ZNF641: variants seen among roughly 807,000 people sequenced by gnomAD.
ZNF641 encodes zinc finger protein 641.
In ZNF641, 26 loss-of-function variants were observed where a neutral mutation model predicts 46.2. The ratio of observed to expected loss-of-function variants is 0.56; its 90% CI spans 0.41 to 0.78. The LOEUF (loss-of-function observed/expected upper bound fraction) is 0.78. Ranked by LOEUF, ZNF641 falls within the 30% of genes least tolerant of loss-of-function variation. ZNF641 has a pLI of 0.00. For missense variants in ZNF641, 469 were observed against 517.8 expected (o/e 0.91, Z 0.91); for synonymous variants, 163 against 187.9 (o/e 0.87, Z 1.09).
At chr12:48,345,552 T>G (rs1952846176) in intron 3 of ZNF641, 78 bp from the exon 4 acceptor site, 2 of 1,571,956 alleles carry the variant, frequency 1.3e-6, no homozygotes, top group Admixed American at 3.4e-5. Flanking sequence ...GCTAAGTTAG[T>G]AGAGGAGAGA....
Position 48,347,351 on chromosome 12 carries a change from GGAGA to G in ZNF641, c.185-12_185-9del. The G allele has an allele frequency of 6.2e-7, 1 of 1,601,568 alleles. No homozygotes were observed. The highest frequency in any genetic ancestry group is 8.5e-7 in the Non-Finnish European group (1 of 1,172,940). ...CCCAGGGAGCAGACTGAGCTGATAA[GGAGA>G]GAGAAGAAACATTAGAGAATAACGA... On this transcript the variant is annotated splice_polypyrimidine_tract_variant and intron_variant, in intron 2 of 5. Coordinates refer to ENST00000547026, the MANE Select transcript of ZNF641 (RefSeq NM_001172681.2).
intron 1 of ZNF641, 103 bp from the exon 2 acceptor site, chr12:48,348,218 T>A: frequency 9.0e-7 from 1 of 1,111,824 alleles, no homozygotes; most frequent in South Asian, 1.4e-5. Context: ...CAAAACTAGA[T>A]AGGAGGAGCT....
At position 48,349,968 on chromosome 12, in the gene ZNF641, G is replaced by C. The variant is rs1259859916; in HGVS notation, c.-26+818C>G. ...TCTTTGTGCAGAGCCCATTGGGCCAGCTGTAAGTTTTTCTATACCACTGAC... is the reference window on the plus strand; with the variant it reads ...TCTTTGTGCAGAGCCCATTGGGCCACCTGTAAGTTTTTCTATACCACTGAC... On this transcript the variant is annotated intron_variant, in intron 1 of 5. Transcript: ENST00000547026. 2.5e-6 allele frequency: 4 copies of C among 1,571,826 alleles called. No homozygotes were observed. The African/African-American group carries it at 5.4e-5, about 21-fold the overall frequency.
Position 48,337,698 on chromosome 12 carries a change from G to C in ZNF641, c.*5275C>G, listed in dbSNP as rs1952630284. The C allele has an allele frequency of 6.6e-6, 1 of 151,650 alleles. No individual in the cohort carries two copies. Among genetic ancestry groups the C allele is most frequent in the African/African-American group, 2.4e-5 (1 of 41,260 alleles). 9.4% of individuals were successfully genotyped at this position (151,650 alleles called of 1,614,324 possible). A position where few individuals can be genotyped will look rare whatever the true frequency, so the allele number is the denominator to read the frequency against. ...AAAAAAAAAAAATAGGCGTGGTGGTGGGCGCTTGTAGTCCCAGCTACTCGG... is the reference window on the plus strand; with the variant it reads ...AAAAAAAAAAAATAGGCGTGGTGGTCGGCGCTTGTAGTCCCAGCTACTCGG... On this transcript the variant is annotated 3_prime_UTR_variant, in exon 6 of 6. Transcript: ENST00000547026.
Position 48,342,734 on chromosome 12 carries a change from T to A in ZNF641, c.*239A>T. On this transcript the variant is annotated 3_prime_UTR_variant, in exon 6 of 6. Transcript: ENST00000547026. The stretch of plus-strand genomic sequence containing the variant: ...CCTCTTGAGAACAGCTCAGGCTGAA[T>A]ATCAGCCCATGTAGGATGCATTGCT... The A allele has an allele frequency of 3.9e-6, 5 of 1,289,804 alleles. No homozygotes were observed. The highest frequency in any genetic ancestry group is 5.0e-6 in the Non-Finnish European group (5 of 991,880). 79.9% of individuals were successfully genotyped at this position (1,289,804 alleles called of 1,614,324 possible).
intron 4 of ZNF641, 72 bp downstream of exon 4, chr12:48,345,273 A>C (rs1415350526): frequency 1.1e-5 from 18 of 1,567,200 alleles, no homozygotes; most frequent in Non-Finnish European, 1.4e-5. Context: ...GACACTATCC[A>C]ATAGCCCTGA....
rs1952761816 is a variant in ZNF641, at chr12:48,343,124, C to T, written c.1124G>A (p.Arg375Lys). Residue 375 changes from arginine (R) to lysine (K), a missense_variant, in exon 6 of 6, where the codon AGA becomes AAA. Physicochemically the swap from Arg to Lys is conservative, Grantham distance 26. Around this residue, in one of 3 missense-constraint regions of ZNF641, gnomAD observed 346 missense variants for 354.0 expected, o/e 0.98. Transcript: ENST00000547026. ...KSFGRRHHLV[R>K]HWLTHTGEKP... ...CTCCCCAGTGTGGGTCAGCCAGTGT[C>T]TCACAAGGTGGTGCCTTCGGCCAAA... is the stretch of plus-strand genomic sequence containing the variant. 5 of 1,614,138 alleles carry T rather than the reference C, an allele frequency of 3.1e-6. No individual in the cohort carries two copies. The highest frequency in any genetic ancestry group is 1.7e-5 in the Admixed American group (1 of 60,016).
chr12:48,350,980 G>C (rs988278293), upstream of ZNF641: 1 of 382,922 alleles, frequency 2.6e-6, no homozygotes, highest in African/African-American at 2.2e-5. Context: ...TGCGGCGGCG[G>C]AGGTGCGGGG....
At chr12:48,344,526 G>C (rs1464477841) in intron 5 of ZNF641, 73 bp downstream of exon 5, 1 of 981,046 alleles carries the variant, frequency 1.0e-6, no homozygotes, top group African/African-American at 1.6e-5. Flanking sequence ...GCAGAGGAGG[G>C]ATTAAACGAA....
chr12:48,347,404 G>A (rs1952907421), intron 2 of ZNF641, 61 bp from the exon 3 acceptor site: 10 of 1,435,410 alleles, frequency 7.0e-6, no homozygotes, highest in South Asian at 1.4e-5. Flanking sequence ...AATGGGGCCT[G>A]GGCCCCATTT....
At position 48,341,400 on chromosome 12, in the gene ZNF641, A is replaced by T; in HGVS notation, c.*1573T>A. ...ACACAATTATTGATAAAGAGAAACA[A>T]TGACCAACTCATTAGCTAACGATGC... On this transcript the variant is annotated 3_prime_UTR_variant, in exon 6 of 6. Transcript: ENST00000547026. 1.0e-6 allele frequency: 1 copy of T among 985,474 alleles called. No homozygotes were observed. Among genetic ancestry groups the T allele is most frequent in the African/African-American group, 1.7e-5 (1 of 57,368 alleles). 61.0% of individuals were successfully genotyped at this position (985,474 alleles called of 1,614,324 possible).
rs1952817322 is a variant in ZNF641 at position 48,344,717 on chromosome 12, T to C, written c.407-5A>G. 6.3e-7 allele frequency: 1 copy of C among 1,584,542 alleles called. No individual in the cohort carries two copies. Among genetic ancestry groups the C allele is most frequent in the Admixed American group, 1.8e-5 (1 of 57,000 alleles). ...CCAGTTTGGGAATTGGAAATCCTGC[T>C]CATGGGAAAGGAAAATAGAGCTGTC... On this transcript the variant is annotated splice_polypyrimidine_tract_variant and splice_region_variant and intron_variant, in intron 4 of 5. Coordinates refer to ENST00000547026, the MANE Select transcript of ZNF641 (RefSeq NM_001172681.2).
intron 1 of ZNF641, 77 bp downstream of exon 1, chr12:48,350,709 G>A: frequency 1.9e-6 from 1 of 538,468 alleles, no homozygotes; most frequent in Non-Finnish European, 2.4e-6. Context: ...ATGGGTGACC[G>A]AGCCCCCACC....
At chr12:48,344,919 AATGAAC>A in intron 4 of ZNF641, 1 of 541,516 alleles carries the variant, frequency 1.8e-6, no homozygotes, top group South Asian at 2.2e-5. Flanking sequence ...TCTCCTTCCC[AATGAAC>A]CTGTTTTCTT....
In ZNF641 at chr12:48,338,773, T is replaced by C. The variant is rs1952656027; in HGVS notation, c.*4200A>G. On this transcript the variant is annotated 3_prime_UTR_variant, in exon 6 of 6. Transcript: ENST00000547026. ...CTGATGTTCCTGCTGCCCTTGCCCA[T>C]AGGGTATGCCAAATCATGGTTAGAA... The C allele has an allele frequency of 1.3e-5, 2 of 152,184 alleles. No individual in the cohort carries two copies. Among genetic ancestry groups the C allele is most frequent in the Non-Finnish European group, 1.5e-5 (1 of 68,040 alleles). 9.4% of individuals were successfully genotyped at this position (152,184 alleles called of 1,614,324 possible).
intron 1 of ZNF641, 44 bp from the exon 2 acceptor site, chr12:48,348,159 G>A: frequency 1.3e-6 from 2 of 1,595,260 alleles, no homozygotes; most frequent in Non-Finnish European, 8.6e-7. Context: ...AATGGGAAAG[G>A]AGTGATATTT....
rs1304721864 is a variant in ZNF641 at position 48,340,191 on chromosome 12, C to G, written c.*2782G>C. Reference sequence around the variant, plus strand: ...TGGTGTTGGACCGAGGTAGAGAAGACAGTGGTACACCAGAAATAACCCAAA... The same window carrying G: ...TGGTGTTGGACCGAGGTAGAGAAGAGAGTGGTACACCAGAAATAACCCAAA... On this transcript the variant is annotated 3_prime_UTR_variant, in exon 6 of 6. Transcript: ENST00000547026. 16 of 985,274 alleles carry G rather than the reference C, an allele frequency of 1.6e-5. No individual in the cohort carries two copies. Among genetic ancestry groups the G allele is most frequent in the Non-Finnish European group, 1.8e-5 (15 of 829,930 alleles). The allele number at this position is 985,274 out of a possible 1,614,324, so 61.0% of individuals were successfully genotyped here. A position where few individuals can be genotyped will look rare whatever the true frequency, so the allele number is the denominator to read the frequency against.
rs918679366 is a variant in ZNF641, at chr12:48,350,869, A to C, written c.-109T>G. Reference sequence around the variant, plus strand: ...CCTCCGCCCTCCGCTTGCGTCTGGGAGCCGGCGGCCGGCGGAGCCAGCGAC... The same window carrying C: ...CCTCCGCCCTCCGCTTGCGTCTGGGCGCCGGCGGCCGGCGGAGCCAGCGAC... On this transcript the variant is annotated 5_prime_UTR_variant, in exon 1 of 6. Coordinates refer to ENST00000547026, the MANE Select transcript of ZNF641 (RefSeq NM_001172681.2). The C allele has an allele frequency of 1.0e-5, 10 of 984,798 alleles. No homozygotes were observed. In the African/African-American group the frequency reaches 1.6e-4, roughly 16 times the overall value. 61.0% of individuals were successfully genotyped at this position (984,798 alleles called of 1,614,324 possible).
downstream of ZNF641, among the ~76,000 whole-genome samples, chr12:48,336,849 C>T (rs1952610112): frequency 6.6e-6 from 1 of 152,192 alleles, no homozygotes; most frequent in Admixed American, 6.5e-5. Context: ...TCCTTAAACT[C>T]GTGCTGGGTG....
Sources: gnomAD v4.1 joint callset for allele counts (sites outside exome capture counted in the v4.1 genomes callset) on GRCh38, gnomAD v4.1.1 for gene constraint, gnomAD v4.1.1 regional missense constraint, MANE v1.5 for transcripts, NCBI Gene and HGNC (gene_info 2026-07-23, HGNC 2026-07-21) for gene names.